RASA2: variants seen among roughly 807,000 people sequenced by gnomAD.
RASA2 encodes ras GTPase-activating protein 2.
RASA2 carries 155 observed loss-of-function variants against 118.2 expected under a neutral mutation model. The ratio of observed to expected loss-of-function variants is 1.31; its 90% confidence interval spans 1.15 to 1.50. The LOEUF is 1.50. Among genes scored for constraint, RASA2 ranks in the 40% most tolerant of loss-of-function variants. The pLI is 0.00. For missense variants in RASA2, 1,016 were observed against 1,009.6 expected (o/e 1.01, Z -0.09); for synonymous variants, 353 against 349.1 (o/e 1.01, Z -0.12).
intron 1 of RASA2, 134 bp downstream of exon 1, chr3:141,487,350 G>A (rs2081590253): frequency 2.8e-6 from 3 of 1,084,270 alleles, no homozygotes; most frequent in Non-Finnish European, 3.5e-6. Context: ...GGCCGGGCGC[G>A]GTTGAGGCTG....
intron 1 of RASA2, among the ~76,000 whole-genome samples, chr3:141,501,766 T>G (rs1196795282): frequency 1.3e-5 from 2 of 152,182 alleles, no homozygotes; most frequent in Admixed American, 6.5e-5. Flanking sequence ...GGAATTAGAT[T>G]GGCACAACAG....
chr3:141,505,375 A>G (rs1271315470), intron 1 of RASA2, among the ~76,000 whole-genome samples: 2 of 152,230 alleles, frequency 1.3e-5, no homozygotes, highest in Admixed American at 6.5e-5. Context: ...GATGCAAGGT[A>G]CAGTAGAAAC....
intron 5 of RASA2, among the ~76,000 whole-genome samples, chr3:141,547,374 C>G (rs1428835713): frequency 6.6e-6 from 1 of 152,000 alleles, no homozygotes; most frequent in African/African-American, 2.4e-5. Flanking sequence ...CTTCAATTTC[C>G]TGCATCAGTG....
chr3:141,513,197 G>GTT lies in RASA2; in HGVS notation c.251+927_251+928dup, dbSNP rs35492761. On this transcript the variant is annotated intron_variant, in intron 2 of 23. Coordinates refer to ENST00000286364, the MANE Select transcript of RASA2 (RefSeq NM_006506.5). ...TAGGTCAGTTGTATTTTAGGGATCT[G>GTT]TTTTTTTTTTTATGCCTTTAAAAAA... Among the ~76,000 whole-genome samples the GTT allele has an allele frequency of 4.6e-3, 667 of 145,050 alleles. 13 individuals carry two copies. Among genetic ancestry groups the GTT allele is most frequent in the Non-Finnish European group, 9.2e-4 (61 of 65,964 alleles).
chr3:141,527,645 T>C (rs2082203518), intron 3 of RASA2, among the ~76,000 whole-genome samples: 1 of 152,024 alleles, frequency 6.6e-6, no homozygotes, highest in East Asian at 1.9e-4. Context: ...TTGAATACTT[T>C]GTCATAATTT....
intron 4 of RASA2, among the ~76,000 whole-genome samples, chr3:141,536,570 T>C (rs1039935712): frequency 2.6e-5 from 4 of 152,138 alleles, no homozygotes; most frequent in African/African-American, 9.7e-5. Flanking sequence ...AGCAATACCT[T>C]CCAAGAATTT....
chr3:141,609,471 A>T lies in RASA2; in HGVS notation c.2277A>T (p.Glu759Asp). 6.2e-7 allele frequency: 1 copy of T among 1,606,220 alleles called. No individual in the cohort carries two copies. Among genetic ancestry groups the T allele is most frequent in the Non-Finnish European group, 8.5e-7 (1 of 1,174,396 alleles). The change falls in exon 22 of 24, where the codon GAA becomes GAT. Residue 759 changes from glutamate to aspartate, a missense_variant. Glu to Asp is a conservative substitution (Grantham distance 45). This residue lies in a region of RASA2 where 120 missense variants were observed against 173.2 expected (regional missense o/e 0.69). Coordinates refer to ENST00000286364, the MANE Select transcript of RASA2 (RefSeq NM_006506.5). The part of the protein sequence containing the change: ...QIDIDEDRET[E>D]RIYSLFTLSL... The stretch of plus-strand genomic sequence containing the variant: ...ATATTGATGAAGACAGAGAAACAGA[A>T]AGAATTTATTCCCTTTTTACCCTCA...
At chr3:141,588,427 A>G (rs2083239434) in intron 19 of RASA2, among the ~76,000 whole-genome samples, 1 of 152,234 alleles carries the variant, frequency 6.6e-6, no homozygotes, top group Non-Finnish European at 1.5e-5. Context: ...CTGAGCAACC[A>G]CAAGCGTGTA....
intron 5 of RASA2, among the ~76,000 whole-genome samples, chr3:141,544,147 G>A (rs1577711336): frequency 1.3e-5 from 2 of 151,890 alleles, no homozygotes; most frequent in South Asian, 4.2e-4. Flanking sequence ...AAGTCCTGGG[G>A]TTATAGGTGT....
intron 20 of RASA2, 45 bp downstream of exon 20, chr3:141,607,805 ATTAC>A (rs751696604): frequency 7.4e-5 from 111 of 1,501,072 alleles, no homozygotes; most frequent in African/African-American, 4.4e-4. Flanking sequence ...AACTGCATAT[ATTAC>A]TTAAGTATTT....
Position 141,609,876 on chromosome 3 carries a change from G to T in RASA2, c.2330-1G>T. On this transcript the variant is annotated splice_acceptor_variant, in intron 22 of 23. Coordinates refer to ENST00000286364, the MANE Select transcript of RASA2 (RefSeq NM_006506.5). LOFTEE classifies it high-confidence loss of function. Reference sequence around the variant, plus strand: ...GAGATTTATTTTCCTGCTCTTTGTAGAGGCTTGTGGAACTATTGCAGTCTA... The same window carrying T: ...GAGATTTATTTTCCTGCTCTTTGTATAGGCTTGTGGAACTATTGCAGTCTA... The T allele has an allele frequency of 6.5e-7, 1 of 1,549,210 alleles. No homozygotes were observed. The highest frequency in any genetic ancestry group is 8.7e-7 in the Non-Finnish European group (1 of 1,153,772).
At chr3:141,556,890 A>G (rs1240963456) in intron 7 of RASA2, among the ~76,000 whole-genome samples, 1 of 152,110 alleles carries the variant, frequency 6.6e-6, no homozygotes, top group Non-Finnish European at 1.5e-5. Context: ...AGGGGGAAGC[A>G]AGGGAGAAAA....
intron 19 of RASA2, among the ~76,000 whole-genome samples, chr3:141,592,993 A>T (rs1418634433): frequency 6.6e-6 from 1 of 152,076 alleles, no homozygotes; most frequent in African/African-American, 2.4e-5. Context: ...TTAGCAGAAT[A>T]TATATATAGC....
At position 141,586,732 on chromosome 3, in the gene RASA2, T is replaced by C; in HGVS notation, c.1913T>C (p.Leu638Pro). The stretch of plus-strand genomic sequence containing the variant: ...TGGTTCTGCTTAACAAGCAGAGAGC[T>C]CACCTACCACAAACAGCCAGGTAGT... ...KRWFCLTSRELTYHKQPGKDA... is the reference protein window; with the variant it reads ...KRWFCLTSREPTYHKQPGKDA... The change falls in exon 19 of 24, where the codon CTC (leucine) becomes CCC (proline). Residue 638 changes from leucine to proline, a missense_variant. By Grantham distance (98) the Leu-to-Pro change is moderately conservative (BLOSUM62 -3). This residue lies in a region of RASA2 where 896 missense variants were observed against 836.4 expected (regional missense o/e 1.07). Coordinates refer to ENST00000286364, the MANE Select transcript of RASA2 (RefSeq NM_006506.5). 1 of 1,612,870 alleles carries C rather than the reference T, an allele frequency of 6.2e-7. No homozygotes were observed. Among genetic ancestry groups the C allele is most frequent in the Non-Finnish European group, 8.5e-7 (1 of 1,179,000 alleles).
chr3:141,497,849 G>A (rs1320323565), intron 1 of RASA2, among the ~76,000 whole-genome samples: 4 of 151,348 alleles, frequency 2.6e-5, no homozygotes, highest in African/African-American at 9.7e-5. Context: ...TCCAGCCTGG[G>A]TGACAAAGTG....
chr3:141,493,571 C>T (rs530734577), intron 1 of RASA2, among the ~76,000 whole-genome samples: 2 of 152,184 alleles, frequency 1.3e-5, no homozygotes, highest in South Asian at 4.1e-4. Context: ...AGCCACATAC[C>T]CTACCTAAAT....
chr3:141,572,791 T>A, intron 12 of RASA2, 68 bp downstream of exon 12: 1 of 1,180,894 alleles, frequency 8.5e-7, no homozygotes, highest in Non-Finnish European at 1.2e-6. Flanking sequence ...TCAAGTGATC[T>A]ATTGATGGGA....
Position 141,528,433 on chromosome 3 carries a change from A to C in RASA2, c.356-1275A>C, listed in dbSNP as rs1318920097. ...CATTATATACGTTAGAGGGAGAGAA[A>C]CATTATAAAAGTTAACAGTAGGGGA... On this transcript the variant is annotated intron_variant, in intron 3 of 23. Coordinates refer to ENST00000286364, the MANE Select transcript of RASA2 (RefSeq NM_006506.5). 2.6e-5 allele frequency among the ~76,000 whole-genome samples: 4 copies of C among 152,008 alleles called. No individual in the cohort carries two copies. The East Asian group carries it at 7.7e-4, about 29-fold the overall frequency.
intron 1 of RASA2, among the ~76,000 whole-genome samples, chr3:141,503,176 G>T (rs910665997): frequency 6.6e-6 from 1 of 152,134 alleles, no homozygotes; most frequent in Non-Finnish European, 1.5e-5. Flanking sequence ...TCTTATCCCT[G>T]TAGTGTCCTC....
Sources: allele counts gnomAD v4.1 joint callset (sites outside exome capture counted in the v4.1 genomes callset), GRCh38; gene constraint gnomAD v4.1.1; regional missense constraint gnomAD v4.1.1; transcripts MANE v1.5; gene names NCBI Gene and HGNC (gene_info 2026-07-23, HGNC 2026-07-21).